Variants in CFAP299 observed in about 807,000 individuals in gnomAD.
CFAP299 encodes the protein cilia- and flagella-associated protein 299.
In CFAP299, 21 loss-of-function variants were observed where a neutral mutation model predicts 27.0. The ratio of observed to expected loss-of-function variants is 0.78; its 90% CI spans 0.55 to 1.12. The LOEUF (loss-of-function observed/expected upper bound fraction) is 1.12. CFAP299 is among the 50% of genes most tolerant of loss of function. CFAP299 has a pLI of 0.00. For missense variants in CFAP299, 310 were observed against 276.6 expected, an observed-to-expected ratio of 1.12 and a Z score of -0.86; for synonymous variants, 104 against 98.1, an observed-to-expected ratio of 1.06 and a Z score of -0.36.
chr4:80,354,528 C>G (rs1458594264), intron 1 of CFAP299, among the ~76,000 whole-genome samples: 1 of 151,286 alleles, frequency 6.6e-6, no homozygotes, highest in Non-Finnish European at 1.5e-5. Flanking sequence ...ACTTTTTTTT[C>G]ACTTTTATTT....
intron 2 of CFAP299, among the ~76,000 whole-genome samples, chr4:80,474,874 T>C (rs1399849527): frequency 6.6e-6 from 1 of 152,020 alleles, no homozygotes; most frequent in East Asian, 1.9e-4. Flanking sequence ...AGTAATGAGA[T>C]CAATTCAAAA....
chr4:80,477,046 C>T (rs1730316573), intron 2 of CFAP299, among the ~76,000 whole-genome samples: 1 of 151,910 alleles, frequency 6.6e-6, no homozygotes, highest in African/African-American at 2.4e-5. Context: ...TCTATGTCTT[C>T]TACCATCTCT....
At chr4:80,656,905 A>C (rs1387601801) in intron 3 of CFAP299, among the ~76,000 whole-genome samples, 2 of 152,090 alleles carry the variant, frequency 1.3e-5, no homozygotes, top group Admixed American at 6.6e-5. Flanking sequence ...CTGACTTTTT[A>C]ATGATCACCA....
At chr4:80,426,770 T>A (rs563570932) in intron 2 of CFAP299, among the ~76,000 whole-genome samples, 2 of 152,372 alleles carry the variant, frequency 1.3e-5, no homozygotes, top group South Asian at 4.1e-4. Context: ...CACCACTTCT[T>A]AACAAGGTAC....
intron 2 of CFAP299, among the ~76,000 whole-genome samples, chr4:80,382,729 T>G (rs1432427355): frequency 6.6e-6 from 1 of 152,200 alleles, no homozygotes; most frequent in African/African-American, 2.4e-5. Context: ...TTGGGGGGAC[T>G]GCAAATTAGT....
At chr4:80,799,796 TTA>T (rs1357694761) in intron 3 of CFAP299, among the ~76,000 whole-genome samples, 10 of 32,884 alleles carry the variant, frequency 3.0e-4, no homozygotes, top group African/African-American at 1.7e-3. Context: ...ATATATTATA[TTA>T]TATAATATAT....
intron 2 of CFAP299, among the ~76,000 whole-genome samples, chr4:80,414,243 T>C (rs2110064052): frequency 6.6e-6 from 1 of 151,510 alleles, no homozygotes; most frequent in Admixed American, 6.6e-5. Context: ...GCTAATTTTT[T>C]GTATTTTTAG....
chr4:80,557,689 G>A (rs1465043793), intron 2 of CFAP299, among the ~76,000 whole-genome samples: 5 of 152,014 alleles, frequency 3.3e-5, no homozygotes, highest in Admixed American at 6.6e-5. Flanking sequence ...CTAACTTTAC[G>A]TAATCTCCAT....
chr4:80,509,552 A>G (rs1732195716), intron 2 of CFAP299, among the ~76,000 whole-genome samples: 1 of 152,150 alleles, frequency 6.6e-6, no homozygotes, highest in African/African-American at 2.4e-5. Flanking sequence ...TCTGAGTGTG[A>G]ATATTGAAAC....
chr4:80,858,651 T>C (rs1278000925), intron 3 of CFAP299, among the ~76,000 whole-genome samples: 2 of 152,226 alleles, frequency 1.3e-5, no homozygotes, highest in Non-Finnish European at 2.9e-5. Flanking sequence ...TATTTCTGCC[T>C]TCATTTCATT....
chr4:80,355,607 C>T (rs186040541), intron 1 of CFAP299, among the ~76,000 whole-genome samples: 9 of 152,030 alleles, frequency 5.9e-5, no homozygotes, highest in Non-Finnish European at 1.0e-4. Flanking sequence ...CCATCTGCCT[C>T]GGCCTCCCAA....
At chr4:80,831,347 A>C (rs1478408612) in intron 3 of CFAP299, among the ~76,000 whole-genome samples, 1 of 152,154 alleles carries the variant, frequency 6.6e-6, no homozygotes, top group Non-Finnish European at 1.5e-5. Flanking sequence ...AGTGTTTTTC[A>C]GCCTAGCTGC....
chr4:80,841,134 C>G (rs1730841410), intron 3 of CFAP299, among the ~76,000 whole-genome samples: 1 of 152,122 alleles, frequency 6.6e-6, no homozygotes, highest in African/African-American at 2.4e-5. Context: ...ACAATAAGCA[C>G]TTTATAAATA....
At chr4:80,682,363 C>T (rs1451623568) in intron 3 of CFAP299, among the ~76,000 whole-genome samples, 1 of 152,026 alleles carries the variant, frequency 6.6e-6, no homozygotes, top group East Asian at 1.9e-4. Flanking sequence ...CTACCTTCTC[C>T]CCTATCTGTT....
At chr4:80,623,868 T>G (rs1326730143) in intron 3 of CFAP299, among the ~76,000 whole-genome samples, 1 of 152,064 alleles carries the variant, frequency 6.6e-6, no homozygotes, top group Non-Finnish European at 1.5e-5. Context: ...CTCAGGCTTG[T>G]GTGGAAGACT....
chr4:80,610,635 TA>T (rs35711669), intron 3 of CFAP299, among the ~76,000 whole-genome samples: 1 of 152,048 alleles, frequency 6.6e-6, no homozygotes, highest in African/African-American at 2.4e-5. Context: ...AAGAACTTTT[TA>T]AAAAAAGTTT....
At chr4:80,390,368 T>C (rs1725259610) in intron 2 of CFAP299, among the ~76,000 whole-genome samples, 1 of 151,686 alleles carries the variant, frequency 6.6e-6, no homozygotes. Flanking sequence ...GATCAAACAG[T>C]ATTTGTCTTT....
intron 3 of CFAP299, among the ~76,000 whole-genome samples, chr4:80,630,560 G>T (rs4146323): frequency 0.94 from 142,942 of 152,064 alleles, 67,227 homozygotes; most frequent in East Asian, 1. Flanking sequence ...TTATAATATC[G>T]TAGAAAATAC....
chr4:80,616,899 A>G (rs1469990009), intron 3 of CFAP299, among the ~76,000 whole-genome samples: 1 of 152,172 alleles, frequency 6.6e-6, no homozygotes, highest in Non-Finnish European at 1.5e-5. Context: ...TGAATGTTTA[A>G]TAAATTAACA....
Sources: gnomAD v4.1 joint callset for allele counts (sites outside exome capture counted in the v4.1 genomes callset) on GRCh38, gnomAD v4.1.1 for gene constraint, MANE v1.5 for transcripts, NCBI Gene and HGNC (gene_info 2026-07-23, HGNC 2026-07-21) for gene names.